SCN10A: variants seen among roughly 807,000 people sequenced by gnomAD.
The protein encoded by SCN10A is sodium channel protein type 10 subunit alpha.
SCN10A carries 162 observed loss-of-function variants against 170.7 expected under a neutral mutation model. That is an observed-to-expected ratio of 0.95 (90% CI 0.84 to 1.08). The LOEUF (loss-of-function observed/expected upper bound fraction) is 1.08. SCN10A is among the 50% of genes least tolerant of loss of function. The pLI is 0.00. For synonymous variants in SCN10A, 985 were observed against 904.6 expected (o/e 1.09, Z -1.59); for missense variants, 2,527 against 2,436.9 (o/e 1.04, Z -0.78).
intron 1 of SCN10A, among the ~76,000 whole-genome samples, chr3:38,798,161 A>T (rs1401180673): frequency 3.3e-5 from 5 of 152,234 alleles, no homozygotes; most frequent in Admixed American, 3.3e-4. Flanking sequence ...GAAAAGTAAC[A>T]TAAGAAGAAG....
Position 38,788,981 on chromosome 3 carries a change from G to A in SCN10A, c.445C>T (p.Arg149Ter), listed in dbSNP as rs745868315. The A allele has an allele frequency of 6.1e-5, 98 of 1,609,904 alleles. No individual in the cohort carries two copies. Among genetic ancestry groups the A allele is most frequent in the Non-Finnish European group, 7.0e-5 (82 of 1,176,580 alleles). The change falls in exon 4 of 28, where the codon CGA (arginine) becomes TGA (stop). Residue 149 changes from arginine (R) to a stop codon, truncating the protein, a stop_gained. Coordinates refer to ENST00000449082, the MANE Select transcript of SCN10A (RefSeq NM_006514.4). LOFTEE classifies it high-confidence loss of function. ...TCAATTTTCTCTGGAAGGTCAGTTC[G>A]GGTCATGCACACACAATTAACCAAA... ...TILVNCVCMTRTDLPEKIEYV... is the reference protein window; with the variant it reads ...TILVNCVCMT
chr3:38,730,411 C>G (rs9836859), intron 15 of SCN10A, among the ~76,000 whole-genome samples: 37,170 of 152,114 alleles, frequency 0.24, 4,727 homozygotes, highest in African/African-American at 0.28. Flanking sequence ...CTGGAGGAAC[C>G]TGCCTTTATC....
intron 4 of SCN10A, among the ~76,000 whole-genome samples, chr3:38,784,091 G>C (rs1030913512): frequency 6.6e-6 from 1 of 152,048 alleles, no homozygotes; most frequent in Non-Finnish European, 1.5e-5. Context: ...TCATTACTCT[G>C]AATATAAGCA....
At chr3:38,811,704 A>G (rs886454826) in intron 1 of SCN10A, among the ~76,000 whole-genome samples, 1 of 152,150 alleles carries the variant, frequency 6.6e-6, no homozygotes, top group East Asian at 1.9e-4. Flanking sequence ...GAGACTAGGT[A>G]ATGGATCTTG....
chr3:38,781,592 A>G (rs1250030721), intron 4 of SCN10A, among the ~76,000 whole-genome samples: 1 of 152,118 alleles, frequency 6.6e-6, no homozygotes, highest in East Asian at 1.9e-4. Context: ...TGCAGGTGAA[A>G]CACTTCCATA....
intron 10 of SCN10A, 49 bp downstream of exon 10, chr3:38,756,625 G>T: frequency 6.7e-7 from 1 of 1,491,206 alleles, no homozygotes; most frequent in Non-Finnish European, 9.3e-7. Context: ...CAGTATCCAA[G>T]AATGGACAGT....
chr3:38,741,410 A>T (rs1016355293), intron 14 of SCN10A, among the ~76,000 whole-genome samples: 1 of 152,154 alleles, frequency 6.6e-6, no homozygotes, highest in Non-Finnish European at 1.5e-5. Context: ...TGATGTGGCC[A>T]CTAAACTCAA....
intron 4 of SCN10A, among the ~76,000 whole-genome samples, chr3:38,780,165 T>C (rs1245897413): frequency 3.9e-5 from 6 of 152,060 alleles, no homozygotes; most frequent in Admixed American, 1.3e-4. Flanking sequence ...TTATAAATAT[T>C]GTTGCCATCT....
chr3:38,698,660 C>A (rs2063124874), intron 27 of SCN10A, 98 bp from the exon 28 acceptor site: 1 of 1,154,726 alleles, frequency 8.7e-7, no homozygotes, highest in Admixed American at 2.0e-5. Flanking sequence ...GTATAGACTG[C>A]CACTTGGGCA....
Position 38,712,194 on chromosome 3 carries a change from ATTATCAAAGTT to A in SCN10A, c.4045_4055del (p.Asn1349CysfsTer15), listed in dbSNP as rs752039226. On this transcript the variant is annotated frameshift_variant, in exon 23 of 28. Coordinates refer to ENST00000449082, the MANE Select transcript of SCN10A (RefSeq NM_006514.4). LOFTEE classifies it high-confidence loss of function. ...GAAGTGCAAGGTAACCCATTGCAAC[ATTATCAAAGTT>A]GACTTTCACATTGACCCAGAAGAAG... is the stretch of plus-strand genomic sequence containing the variant. 1 of 1,614,228 alleles carries A rather than the reference ATTATCAAAGTT, an allele frequency of 6.2e-7. No individual in the cohort carries two copies. Among genetic ancestry groups the A allele is most frequent in the South Asian group, 1.1e-5 (1 of 91,082 alleles).
intron 26 of SCN10A, among the ~76,000 whole-genome samples, chr3:38,703,517 C>G (rs2063178739): frequency 6.6e-6 from 1 of 152,210 alleles, no homozygotes. Context: ...TCTATCCTGA[C>G]AGAGATTGTT....
intron 13 of SCN10A, among the ~76,000 whole-genome samples, chr3:38,746,962 A>G (rs1344056756): frequency 7.9e-5 from 12 of 152,106 alleles, no homozygotes; most frequent in Admixed American, 7.9e-4. Flanking sequence ...AAACTTTCTT[A>G]AGCATAATCC....
chr3:38,709,253 C>T (rs1284502287), intron 25 of SCN10A, among the ~76,000 whole-genome samples: 1 of 152,132 alleles, frequency 6.6e-6, no homozygotes, highest in Non-Finnish European at 1.5e-5. Flanking sequence ...ACCAAGATCC[C>T]TTTGAGATGT....
intron 4 of SCN10A, among the ~76,000 whole-genome samples, chr3:38,777,184 T>C (rs184074681): frequency 9.8e-4 from 148 of 151,688 alleles, no homozygotes; most frequent in African/African-American, 3.2e-3. Context: ...ACAGGAAAAA[T>C]AAAAAAGTGG....
chr3:38,763,449 T>C, intron 6 of SCN10A, 56 bp downstream of exon 6: 1 of 1,345,784 alleles, frequency 7.4e-7, no homozygotes, highest in Non-Finnish European at 1.1e-6. Context: ...TTGTGAAAAT[T>C]AGAGAAGGGA....
chr3:38,699,290 C>G (rs1283937153), intron 27 of SCN10A, among the ~76,000 whole-genome samples: 9 of 151,162 alleles, frequency 6.0e-5, no homozygotes, highest in Admixed American at 2.0e-4. Flanking sequence ...TTACTGCCCC[C>G]AACTCCAACT....
At position 38,750,087 on chromosome 3, in the gene SCN10A, G is replaced by C; in HGVS notation, c.1853C>G (p.Thr618Ser). ...QRAMSVVSII[T>S]SVLEELEESE... ...GCAGCACTTACCCTCAAGGACGGAG[G>C]TTATGATACTGACAACACTCATTGC... Residue 618 changes from threonine to serine, a missense_variant, in exon 13 of 28, where the codon ACC (threonine) becomes AGC (serine). Transcript: ENST00000449082. 1 of 1,602,322 alleles carries C rather than the reference G, an allele frequency of 6.2e-7. No homozygotes were observed. Among genetic ancestry groups the C allele is most frequent in the Non-Finnish European group, 8.6e-7 (1 of 1,169,586 alleles).
At chr3:38,749,705 T>G (rs1008502136) in intron 13 of SCN10A, among the ~76,000 whole-genome samples, 3 of 152,336 alleles carry the variant, frequency 2.0e-5, no homozygotes, top group Non-Finnish European at 4.4e-5. Context: ...AAGGATAATT[T>G]TGCCATGTTG....
At chr3:38,721,344 A>T (rs2063387923) in intron 20 of SCN10A, among the ~76,000 whole-genome samples, 1 of 152,182 alleles carries the variant, frequency 6.6e-6, no homozygotes, top group African/African-American at 2.4e-5. Context: ...TGAACTCTCT[A>T]TTCCCAGCCC....
Sources: gnomAD v4.1 joint callset for allele counts (sites outside exome capture counted in the v4.1 genomes callset) on GRCh38, gnomAD v4.1.1 for gene constraint, MANE v1.5 for transcripts, NCBI Gene and HGNC (gene_info 2026-07-23, HGNC 2026-07-21) for gene names.